ECT2L: variants seen among roughly 807,000 people sequenced by gnomAD.
ECT2L encodes the protein epithelial cell transforming 2 like.
A neutral mutation model predicts 122.8 loss-of-function variants in ECT2L; 126 were observed. The observed-to-expected ratio is 1.03, with a 90% CI of 0.89 to 1.19. The LOEUF (loss-of-function observed/expected upper bound fraction) is 1.19, where lower values mean the gene tolerates loss of function less well. ECT2L is among the 50% of genes most tolerant of loss of function. The probability of loss-of-function intolerance (pLI) is 0.00; values close to 1 mark genes in which losing one functional copy is unlikely to be tolerated. For missense variants in ECT2L, 1,012 were observed against 1,064.1 expected (o/e 0.95, Z 0.68); for synonymous variants, 385 against 381.8 (o/e 1.01, Z -0.10).
intron 4 of ECT2L, among the ~76,000 whole-genome samples, chr6:138,829,070 G>A (rs979427909): frequency 1.3e-5 from 2 of 150,216 alleles, no homozygotes; most frequent in South Asian, 2.1e-4. Flanking sequence ...GTTGCCCAGC[G>A]TGGTCTCGAA....
At chr6:138,825,894 C>T (rs527275303) in intron 4 of ECT2L, among the ~76,000 whole-genome samples, 1 of 152,298 alleles carries the variant, frequency 6.6e-6, no homozygotes, top group East Asian at 1.9e-4. Flanking sequence ...TGAGGAAAAC[C>T]CACTTCACAC....
intron 9 of ECT2L, among the ~76,000 whole-genome samples, chr6:138,853,731 A>G (rs1174280105): frequency 6.6e-6 from 1 of 152,158 alleles, no homozygotes; most frequent in Non-Finnish European, 1.5e-5. Flanking sequence ...GGACTTGCTG[A>G]CCGTCCCCCT....
intron 1 of ECT2L, among the ~76,000 whole-genome samples, chr6:138,810,782 T>C (rs116614966): frequency 9.3e-4 from 141 of 152,330 alleles, no homozygotes; most frequent in African/African-American, 3.1e-3. Context: ...AAGGACCAGA[T>C]AACTTGTCTT....
chr6:138,862,844 C>G, intron 11 of ECT2L, 125 bp downstream of exon 11: 1 of 685,048 alleles, frequency 1.5e-6, no homozygotes. Context: ...CATTCCTCCC[C>G]TGAAGGAACG....
chr6:138,806,242 G>T (rs555855542), intron 1 of ECT2L, among the ~76,000 whole-genome samples: 53 of 152,212 alleles, frequency 3.5e-4, no homozygotes, highest in African/African-American at 1.2e-3. Context: ...AAAATTTCTT[G>T]GTCCTTCTTA....
Position 138,814,845 on chromosome 6 carries a change from A to G in ECT2L, c.179+242A>G, listed in dbSNP as rs73778409. On this transcript the variant is annotated intron_variant, in intron 4 of 21. Coordinates refer to ENST00000541398, the MANE Select transcript of ECT2L (RefSeq NM_001077706.3). ...GACTGTTTCATGTTGGCAAAAACAC[A>G]ATGGCTTCAGTCAGTGAATTTTTAA... is the stretch of plus-strand genomic sequence containing the variant. Among the ~76,000 whole-genome samples the G allele has an allele frequency of 3.8e-3, 572 of 152,340 alleles. 6 individuals are homozygous for G. The highest frequency in any genetic ancestry group is 0.013 in the African/African-American group (538 of 41,584).
chr6:138,878,999 G>C (rs1778559608), intron 14 of ECT2L: 1 of 162,008 alleles, frequency 6.2e-6, no homozygotes, highest in South Asian at 1.6e-4. Flanking sequence ...ATGCAGTCTT[G>C]GTCTGTAAGA....
At chr6:138,804,414 A>G (rs944960159) in intron 1 of ECT2L, among the ~76,000 whole-genome samples, 1 of 152,142 alleles carries the variant, frequency 6.6e-6, no homozygotes, top group African/African-American at 2.4e-5. Context: ...CTTCTGTTCC[A>G]CAGGTTTTGT....
intron 13 of ECT2L, among the ~76,000 whole-genome samples, chr6:138,870,996 G>A (rs1778233519): frequency 6.6e-6 from 1 of 152,262 alleles, no homozygotes; most frequent in South Asian, 2.1e-4. Context: ...AGGTTGCAGT[G>A]AGCCAAGATC....
chr6:138,822,554 C>CATACATAA (rs368615024), intron 4 of ECT2L, among the ~76,000 whole-genome samples: 1 of 151,564 alleles, frequency 6.6e-6, no homozygotes, highest in Non-Finnish European at 1.5e-5. Flanking sequence ...GAGACCCTGT[C>CATACATAA]ATAAATAAAT....
At chr6:138,898,435 C>A (rs921158027) in intron 20 of ECT2L, among the ~76,000 whole-genome samples, 1 of 152,160 alleles carries the variant, frequency 6.6e-6, no homozygotes, top group Non-Finnish European at 1.5e-5. Flanking sequence ...CTAACGCTGT[C>A]CAAGTAGCTG....
intron 13 of ECT2L, among the ~76,000 whole-genome samples, chr6:138,875,431 CA>C (rs1255202540): frequency 1.3e-5 from 2 of 152,230 alleles, no homozygotes; most frequent in Non-Finnish European, 2.9e-5. Context: ...CCTGGACATC[CA>C]AGGGTTGCCA....
At chr6:138,819,135 C>A (rs1776172790) in intron 4 of ECT2L, among the ~76,000 whole-genome samples, 1 of 151,726 alleles carries the variant, frequency 6.6e-6, no homozygotes, top group Admixed American at 6.6e-5. Flanking sequence ...GTATTCTGCA[C>A]ATGTTCCTGC....
chr6:138,860,881 C>A (rs568410968), intron 10 of ECT2L, among the ~76,000 whole-genome samples: 1 of 151,982 alleles, frequency 6.6e-6, no homozygotes, highest in Non-Finnish European at 1.5e-5. Context: ...TCCCCTTTCC[C>A]GCCAACCCCC....
intron 4 of ECT2L, among the ~76,000 whole-genome samples, chr6:138,816,394 T>G (rs1776068728): frequency 6.6e-6 from 1 of 151,408 alleles, no homozygotes. Flanking sequence ...ACTTTTTTTT[T>G]TTGTTTGTTT....
intron 13 of ECT2L, among the ~76,000 whole-genome samples, chr6:138,873,759 A>C (rs1004743513): frequency 1.3e-5 from 2 of 152,176 alleles, no homozygotes; most frequent in African/African-American, 4.8e-5. Context: ...GCAGCACTGC[A>C]CTCCAGCCTG....
At chr6:138,860,707 A>ATTTTTTTTTTT (rs35611410) in intron 10 of ECT2L, among the ~76,000 whole-genome samples, 3 of 135,794 alleles carry the variant, frequency 2.2e-5, no homozygotes, top group African/African-American at 8.5e-5. Context: ...TGAAGGGGCT[A>ATTTTTTTTTTT]TTTTTTTTTT....
chr6:138,872,005 G>A (rs933700293), intron 13 of ECT2L, among the ~76,000 whole-genome samples: 7 of 150,888 alleles, frequency 4.6e-5, no homozygotes, highest in African/African-American at 7.3e-5. Context: ...ATGGGGCCTC[G>A]CTCTGTCACC....
intron 9 of ECT2L, among the ~76,000 whole-genome samples, chr6:138,852,484 A>G (rs1777483575): frequency 6.6e-6 from 1 of 152,112 alleles, no homozygotes; most frequent in Non-Finnish European, 1.5e-5. Context: ...TTATTGTGGG[A>G]TGAGGGGAGA....
Sources: gnomAD v4.1 joint callset for allele counts (sites outside exome capture counted in the v4.1 genomes callset) on GRCh38, gnomAD v4.1.1 for gene constraint, MANE v1.5 for transcripts, NCBI Gene and HGNC (gene_info 2026-07-23, HGNC 2026-07-21) for gene names.